The following MAP4K4 variants were observed in gnomAD, a reference collection of about 807,000 sequenced individuals.
The protein encoded by MAP4K4 is mitogen-activated protein kinase kinase kinase kinase 4, also known as HPK/GCK-like kinase HGK.
MAP4K4 carries 38 observed loss-of-function variants against 189.6 expected under a neutral mutation model. The ratio of observed to expected loss-of-function variants is 0.20; its 90% confidence interval spans 0.15 to 0.26. The LOEUF (loss-of-function observed/expected upper bound fraction) is 0.26, where lower values mean the gene tolerates loss of function less well. MAP4K4 is among the 10% of genes least tolerant of loss of function. The pLI, the probability that MAP4K4 is intolerant of heterozygous loss-of-function variation, is 1.00. For synonymous variants in MAP4K4, 610 were observed against 624.3 expected, an observed-to-expected ratio of 0.98 and a Z score of 0.34; for missense variants, 1,054 against 1,726.9, an observed-to-expected ratio of 0.61 and a Z score of 6.91.
intron 2 of MAP4K4, among the ~76,000 whole-genome samples, chr2:101,709,338 G>C (rs1421189380): frequency 6.6e-6 from 1 of 152,180 alleles, no homozygotes; most frequent in African/African-American, 2.4e-5. Flanking sequence ...AAGTAGCTGA[G>C]ATTACAAGTG....
At chr2:101,704,262 A>G (rs1329979775) in intron 2 of MAP4K4, among the ~76,000 whole-genome samples, 1 of 152,024 alleles carries the variant, frequency 6.6e-6, no homozygotes, top group Non-Finnish European at 1.5e-5. Flanking sequence ...CATGTGGAAG[A>G]TTCTGGACTT....
intron 4 of MAP4K4, among the ~76,000 whole-genome samples, chr2:101,824,581 A>G (rs1218332508): frequency 3.3e-5 from 5 of 152,206 alleles, no homozygotes; most frequent in Non-Finnish European, 7.4e-5. Context: ...TGACTTGGAG[A>G]TACCATCAGA....
In MAP4K4 at chr2:101,727,988, A is replaced by G. The variant is rs370849195; in HGVS notation, c.123+29450A>G. On this transcript the variant is annotated intron_variant, in intron 2 of 32. Transcript: ENST00000324219. ...CGTCTTGAAAGAAGGTGGCAAGACC[A>G]AATAAGGAGCACACTAAGGGCTCCA... is the stretch of plus-strand genomic sequence containing the variant. Among the ~76,000 whole-genome samples the G allele has an allele frequency of 3.2e-4, 49 of 152,340 alleles. No homozygotes were observed. The East Asian group carries it at 3.3e-3, about 10-fold the overall frequency.
chr2:101,697,772 G>A (rs1216097620), exon 1 of MAP4K4: 1 of 145,824 alleles, frequency 6.9e-6, no homozygotes, highest in African/African-American at 2.5e-5. Context: ...CGCGGCGCGG[G>A]GCGCGGGCGC....
chr2:101,771,778 G>C (rs1050346090), intron 2 of MAP4K4, among the ~76,000 whole-genome samples: 14 of 152,160 alleles, frequency 9.2e-5, no homozygotes, highest in African/African-American at 3.1e-4. Flanking sequence ...CTCCAGGATG[G>C]ACACATCATT....
chr2:101,855,813 C>T (rs976729055), intron 12 of MAP4K4, among the ~76,000 whole-genome samples, 164 bp from the exon 13 acceptor site: 2 of 152,144 alleles, frequency 1.3e-5, no homozygotes, highest in African/African-American at 4.8e-5. Flanking sequence ...GAAGCCCTTA[C>T]TTATGGGTCC....
At chr2:101,783,290 A>AG (rs1322241037) in intron 2 of MAP4K4, among the ~76,000 whole-genome samples, 1 of 151,730 alleles carries the variant, frequency 6.6e-6, no homozygotes, top group South Asian at 2.1e-4. Flanking sequence ...GGAAAAAAAA[A>AG]AGGATATTTG....
chr2:101,838,241 A>C (rs2096821161), intron 9 of MAP4K4, among the ~76,000 whole-genome samples: 1 of 152,170 alleles, frequency 6.6e-6, no homozygotes, highest in Non-Finnish European at 1.5e-5. Flanking sequence ...TGGTCTGGGG[A>C]GTGACTCAGG....
chr2:101,724,794 T>C (rs1233532051), intron 2 of MAP4K4, among the ~76,000 whole-genome samples: 4 of 152,248 alleles, frequency 2.6e-5, no homozygotes, highest in Non-Finnish European at 5.9e-5. Flanking sequence ...TTTTTAAAGC[T>C]GGCAAGTGAC....
At chr2:101,891,099 T>G in intron 32 of MAP4K4, 67 bp from the exon 33 acceptor site, 1 of 1,257,124 alleles carries the variant, frequency 8.0e-7, no homozygotes, top group East Asian at 2.3e-5. Context: ...GATGGTGGCT[T>G]AGATTCCCTG....
In MAP4K4 at chr2:101,784,263, C is replaced by CGTGTGTGT. The variant is rs143119918; in HGVS notation, c.124-6440_124-6433dup. The stretch of plus-strand genomic sequence containing the variant: ...CATGGTATTTCTCTGTGATGCTCTT[C>CGTGTGTGT]GTGTGTGTGTGTGTGTGTGTGTGTA... On this transcript the variant is annotated intron_variant, in intron 2 of 32. Transcript: ENST00000324219. Among the ~76,000 whole-genome samples the CGTGTGTGT allele has an allele frequency of 2.7e-5, 4 of 146,654 alleles. No homozygotes were observed. In the East Asian group the frequency reaches 6.0e-4, roughly 22 times the overall value.
chr2:101,778,313 A>AT, intron 2 of MAP4K4, among the ~76,000 whole-genome samples: 1 of 152,270 alleles, frequency 6.6e-6, no homozygotes. Context: ...CGTGTCTCTG[A>AT]TTCGTGTGTC....
At chr2:101,802,244 T>C (rs1247483187) in intron 3 of MAP4K4, among the ~76,000 whole-genome samples, 1 of 152,202 alleles carries the variant, frequency 6.6e-6, no homozygotes, top group East Asian at 1.9e-4. Flanking sequence ...CCACCCTCTG[T>C]TGCTTAGATT....
intron 2 of MAP4K4, among the ~76,000 whole-genome samples, chr2:101,785,474 T>G (rs1307703485): frequency 6.6e-6 from 1 of 152,204 alleles, no homozygotes; most frequent in Non-Finnish European, 1.5e-5. Flanking sequence ...TTCTTGAATT[T>G]ATTCACTCCT....
At chr2:101,842,845 A>G (rs2096962162) in intron 11 of MAP4K4, among the ~76,000 whole-genome samples, 164 bp downstream of exon 11, 1 of 152,108 alleles carries the variant, frequency 6.6e-6, no homozygotes, top group African/African-American at 2.4e-5. Flanking sequence ...TCCTGTAAAC[A>G]TTTTTCTTCC....
rs373179169 is a variant in MAP4K4 at position 101,787,704 on chromosome 2, T to TC, written c.124-3015dup. ...TACATTGAGTCCCGGCTTTAGTTTT[T>TC]CTCCCAAGACTATTTTGCTGGCCAT... is the stretch of plus-strand genomic sequence containing the variant. On this transcript the variant is annotated intron_variant, in intron 2 of 32. Coordinates refer to ENST00000324219, the Ensembl canonical transcript of MAP4K4. Among the ~76,000 whole-genome samples, 38 of 152,310 alleles carry TC rather than the reference T, an allele frequency of 2.5e-4. 1 individual carries two copies. The East Asian group carries it at 7.3e-3, about 29-fold the overall frequency.
At chr2:101,764,917 AT>A (rs1414044565) in intron 2 of MAP4K4, among the ~76,000 whole-genome samples, 1 of 152,198 alleles carries the variant, frequency 6.6e-6, no homozygotes. Context: ...AAGTGATGAA[AT>A]TTATGAGCAT....
intron 16 of MAP4K4, among the ~76,000 whole-genome samples, 186 bp from the exon 17 acceptor site, chr2:101,863,635 A>G (rs2097732827): frequency 6.6e-6 from 1 of 152,226 alleles, no homozygotes; most frequent in African/African-American, 2.4e-5. Context: ...TCTTTTCTAC[A>G]TACTGTGTTC....
At chr2:101,777,970 C>T (rs756030647) in intron 2 of MAP4K4, among the ~76,000 whole-genome samples, 1 of 152,116 alleles carries the variant, frequency 6.6e-6, no homozygotes, top group African/African-American at 2.4e-5. Context: ...ACGGATTTAT[C>T]TTAGGAAGAC....
Sources: allele counts gnomAD v4.1 joint callset (sites outside exome capture counted in the v4.1 genomes callset), GRCh38; gene constraint gnomAD v4.1.1; transcripts MANE v1.5; gene names NCBI Gene and HGNC (gene_info 2026-07-23, HGNC 2026-07-21).